PLCL1: variants seen among roughly 807,000 people sequenced by gnomAD.
The protein encoded by PLCL1 is inactive phospholipase C-like protein 1.
A neutral mutation model predicts 84.4 loss-of-function variants in PLCL1; 41 were observed. The ratio of observed to expected loss-of-function variants is 0.49; its 90% CI spans 0.38 to 0.63. The LOEUF (loss-of-function observed/expected upper bound fraction) is 0.63, where lower values mean the gene tolerates loss of function less well. PLCL1 is among the 30% of genes least tolerant of loss of function. The probability of loss-of-function intolerance (pLI) is 0.00; values close to 1 mark genes in which losing one functional copy is unlikely to be tolerated. For missense variants in PLCL1, 1,206 were observed against 1,367.8 expected, an observed-to-expected ratio of 0.88 and a Z score of 1.87; for synonymous variants, 490 against 488.3, an observed-to-expected ratio of 1.00 and a Z score of -0.05.
At chr2:198,065,628 T>C (rs181651314) in intron 1 of PLCL1, among the ~76,000 whole-genome samples, 145 of 152,322 alleles carry the variant, frequency 9.5e-4, no homozygotes, top group African/African-American at 3.2e-3. Context: ...TTTATTGGCA[T>C]TGAGAAAGAA....
rs75451468 is a variant in PLCL1 at position 198,009,323 on chromosome 2, T to C, written c.241-74435T>C. Among the ~76,000 whole-genome samples, 1,451 of 152,114 alleles carry C rather than the reference T, an allele frequency of 9.5e-3. 22 individuals are homozygous for C. Among genetic ancestry groups the C allele is most frequent in the African/African-American group, 0.031 (1,295 of 41,544 alleles). On this transcript the variant is annotated intron_variant, in intron 1 of 5. Coordinates refer to ENST00000428675, the MANE Select transcript of PLCL1 (RefSeq NM_006226.4). ...AGGAGTTTAACAGTTTTAAGTCTAA[T>C]TTTTAGGTCTTTAATTCATTTTGAG...
chr2:197,924,820 A>G (rs964020935), intron 1 of PLCL1, among the ~76,000 whole-genome samples: 2 of 152,132 alleles, frequency 1.3e-5, no homozygotes, highest in Non-Finnish European at 2.9e-5. Flanking sequence ...TTCAGGTATT[A>G]CATCTAGAGT....
intron 1 of PLCL1, among the ~76,000 whole-genome samples, chr2:198,054,994 AG>A (rs1692027271): frequency 6.6e-6 from 1 of 152,160 alleles, no homozygotes; most frequent in South Asian, 2.1e-4. Context: ...GCAAATCAGA[AG>A]GTGCACATTA....
chr2:197,908,022 G>C (rs558877305), intron 1 of PLCL1, among the ~76,000 whole-genome samples: 19 of 152,314 alleles, frequency 1.2e-4, no homozygotes, highest in African/African-American at 4.6e-4. Context: ...ATTTGAGAGG[G>C]AGAATGGATA....
At chr2:197,917,133 C>T (rs896546586) in intron 1 of PLCL1, among the ~76,000 whole-genome samples, 2 of 152,168 alleles carry the variant, frequency 1.3e-5, no homozygotes, top group Non-Finnish European at 2.9e-5. Flanking sequence ...TCTTATCACA[C>T]CAGAAATTGT....
intron 1 of PLCL1, among the ~76,000 whole-genome samples, chr2:197,911,506 G>A (rs970341643): frequency 6.6e-6 from 1 of 151,958 alleles, no homozygotes; most frequent in Admixed American, 6.6e-5. Flanking sequence ...CAGAAATTAT[G>A]GTTTAAATAT....
intron 1 of PLCL1, among the ~76,000 whole-genome samples, chr2:197,806,299 TACACAC>T (rs766071133): frequency 1.3e-5 from 2 of 151,900 alleles, no homozygotes; most frequent in Non-Finnish European, 2.9e-5. Flanking sequence ...TGTGTGTACA[TACACAC>T]ACACACATCC....
At chr2:198,022,797 C>T (rs771621523) in intron 1 of PLCL1, among the ~76,000 whole-genome samples, 2 of 152,086 alleles carry the variant, frequency 1.3e-5, no homozygotes, top group East Asian at 1.9e-4. Flanking sequence ...TAGGAAGAAT[C>T]GATATAGTGA....
chr2:198,118,398 G>A (rs1693794655), intron 5 of PLCL1, among the ~76,000 whole-genome samples: 1 of 151,806 alleles, frequency 6.6e-6, no homozygotes, highest in East Asian at 1.9e-4. Context: ...GAGAGAGAAA[G>A]GAGCAAATAA....
chr2:198,038,085 T>C (rs919800752), intron 1 of PLCL1, among the ~76,000 whole-genome samples: 1 of 152,212 alleles, frequency 6.6e-6, no homozygotes, highest in African/African-American at 2.4e-5. Context: ...ATTTTTATTA[T>C]TTTCTGCTTT....
chr2:197,926,995 A>G (rs1439749140), intron 1 of PLCL1, among the ~76,000 whole-genome samples: 1 of 152,170 alleles, frequency 6.6e-6, no homozygotes, highest in Non-Finnish European at 1.5e-5. Context: ...TAGTGCCTAC[A>G]CGTTGCTTCT....
chr2:198,115,455 T>A (rs1031565502), intron 5 of PLCL1, among the ~76,000 whole-genome samples: 14 of 151,848 alleles, frequency 9.2e-5, no homozygotes, highest in Non-Finnish European at 1.9e-4. Flanking sequence ...AAGTAAGGTC[T>A]TTTGAGGAAC....
intron 1 of PLCL1, among the ~76,000 whole-genome samples, chr2:197,986,555 G>A (rs1048876764): frequency 4.6e-5 from 7 of 151,918 alleles, no homozygotes; most frequent in Non-Finnish European, 8.8e-5. Context: ...TTACTATGTC[G>A]CCAGGCTGGT....
intron 1 of PLCL1, among the ~76,000 whole-genome samples, chr2:198,044,583 A>G (rs1691743445): frequency 6.6e-6 from 1 of 152,212 alleles, no homozygotes; most frequent in African/African-American, 2.4e-5. Context: ...CTACACATAA[A>G]CCAAAACCAT....
At chr2:198,106,402 C>G (rs1693474970) in intron 5 of PLCL1, among the ~76,000 whole-genome samples, 1 of 151,930 alleles carries the variant, frequency 6.6e-6, no homozygotes, top group Non-Finnish European at 1.5e-5. Context: ...GATACAGACC[C>G]TGACCTCATG....
intron 1 of PLCL1, among the ~76,000 whole-genome samples, chr2:198,009,216 C>T (rs1326214137): frequency 1.3e-5 from 2 of 151,862 alleles, no homozygotes; most frequent in African/African-American, 2.4e-5. Context: ...TTTTTGATTT[C>T]GTTGTCTGTG....
intron 1 of PLCL1, among the ~76,000 whole-genome samples, chr2:197,905,551 A>T (rs1302927384): frequency 6.6e-6 from 1 of 152,218 alleles, no homozygotes; most frequent in Non-Finnish European, 1.5e-5. Context: ...GTGCTGCAGT[A>T]AGCATACATG....
At chr2:198,059,488 A>G (rs1692142847) in intron 1 of PLCL1, among the ~76,000 whole-genome samples, 1 of 152,216 alleles carries the variant, frequency 6.6e-6, no homozygotes, top group African/African-American at 2.4e-5. Context: ...CCTGACAGAC[A>G]TCATCTCTTT....
chr2:198,143,955 G>A (rs1694455425), intron 5 of PLCL1, among the ~76,000 whole-genome samples: 1 of 151,922 alleles, frequency 6.6e-6, no homozygotes, highest in Admixed American at 6.6e-5. Context: ...GGGTTATCAG[G>A]AGATGATGTA....
Sources: gnomAD v4.1 joint callset for allele counts (sites outside exome capture counted in the v4.1 genomes callset) on GRCh38, gnomAD v4.1.1 for gene constraint, MANE v1.5 for transcripts, NCBI Gene and HGNC (gene_info 2026-07-23, HGNC 2026-07-21) for gene names.